TIGD4: variants seen among roughly 807,000 people sequenced by gnomAD.
TIGD4 encodes the protein tigger transposable element-derived protein 4.
TIGD4 carries 20 observed loss-of-function variants against 24.9 expected under a neutral mutation model. That is an observed-to-expected ratio of 0.80 (90% CI 0.56 to 1.17). The LOEUF is 1.17. Among genes scored for constraint, TIGD4 ranks in the 50% most tolerant of loss-of-function variants. The pLI, the probability that TIGD4 is intolerant of heterozygous loss-of-function variation, is 0.00. For synonymous variants in TIGD4, 193 were observed against 211.0 expected (o/e 0.91, Z 0.74); for missense variants, 566 against 591.0 (o/e 0.96, Z 0.44).
At position 152,770,928 on chromosome 4, in the gene TIGD4, T is replaced by C; in HGVS notation, c.77A>G (p.Lys26Arg). 3 of 1,613,856 alleles carry C rather than the reference T, an allele frequency of 1.9e-6. No homozygotes were observed. The highest frequency in any genetic ancestry group is 2.5e-6 in the Non-Finnish European group (3 of 1,179,912). Residue 26 changes from lysine (K) to arginine (R), a missense_variant, in exon 2 of 2, where the codon AAG becomes AGG. Physicochemically the swap from Lys to Arg is conservative, Grantham distance 26 (BLOSUM62 2). Coordinates refer to ENST00000304337, the MANE Select transcript of TIGD4 (RefSeq NM_145720.4). ...TTCCACTGCATTTATGATGTCGATC[T>C]TTTCCTCAATGGATAGGCTTTTCTT... is the stretch of plus-strand genomic sequence containing the variant. ...KKKKSLSIEE[K>R]IDIINAVESG...
intron 1 of TIGD4, among the ~76,000 whole-genome samples, 153 bp downstream of exon 1, chr4:152,779,329 G>A (rs1730341140): frequency 6.6e-6 from 1 of 152,242 alleles, no homozygotes; most frequent in Non-Finnish European, 1.5e-5. Context: ...GCAAGTAAGA[G>A]CTCAGGGATG....
In TIGD4 at chr4:152,770,763, G is replaced by C; in HGVS notation, c.242C>G (p.Thr81Ser). 1 of 1,612,560 alleles carries C rather than the reference G, an allele frequency of 6.2e-7. No individual in the cohort carries two copies. The highest frequency in any genetic ancestry group is 8.5e-7 in the Non-Finnish European group (1 of 1,179,610). The change falls in exon 2 of 2, where the codon ACT (threonine) becomes AGT (serine). Residue 81 changes from threonine (T) to serine (S), a missense_variant. Coordinates refer to ENST00000304337, the MANE Select transcript of TIGD4 (RefSeq NM_145720.4). Reference sequence around the variant, plus strand: ...CTCTTCCAGATCTGTGTAAAAAGCAGTTCTCAGTCTTTTTCTCTTTGGATC... The same window carrying C: ...CTCTTCCAGATCTGTGTAAAAAGCACTTCTCAGTCTTTTTCTCTTTGGATC... ...RFDPKRKRLRTAFYTDLEEAL... is the reference protein window; with the variant it reads ...RFDPKRKRLRSAFYTDLEEAL...
chr4:152,769,429 A>G lies in TIGD4; in HGVS notation c.*37T>C. 2 of 1,356,816 alleles carry G rather than the reference A, an allele frequency of 1.5e-6. No homozygotes were observed. Among genetic ancestry groups the G allele is most frequent in the Non-Finnish European group, 2.0e-6 (2 of 1,007,314 alleles). The allele number at this position is 1,356,816 out of a possible 1,614,324, so 84.0% of individuals were successfully genotyped here. A position where few individuals can be genotyped will look rare whatever the true frequency, so the allele number is the denominator to read the frequency against. On this transcript the variant is annotated 3_prime_UTR_variant, in exon 2 of 2. Coordinates refer to ENST00000304337, the MANE Select transcript of TIGD4 (RefSeq NM_145720.4). Reference sequence around the variant, plus strand: ...CATACCTTATATAATAAAATGTATCAGGAAAAGCTATTACTCTTTAGATGT... The same window carrying G: ...CATACCTTATATAATAAAATGTATCGGGAAAAGCTATTACTCTTTAGATGT...
intron 1 of TIGD4, among the ~76,000 whole-genome samples, chr4:152,777,226 C>T (rs1196465828): frequency 6.6e-6 from 1 of 152,174 alleles, no homozygotes; most frequent in Non-Finnish European, 1.5e-5. Context: ...AAGAATTAGA[C>T]TTCATTGAGT....
At chr4:152,777,435 G>A (rs1343622732) in intron 1 of TIGD4, among the ~76,000 whole-genome samples, 1 of 151,944 alleles carries the variant, frequency 6.6e-6, no homozygotes. Flanking sequence ...ACAATTCAGA[G>A]AAAAGTAGTA....
chr4:152,779,267 G>A (rs1217086300), intron 1 of TIGD4, among the ~76,000 whole-genome samples: 3 of 152,202 alleles, frequency 2.0e-5, no homozygotes, highest in Non-Finnish European at 4.4e-5. Context: ...AAGTATCAAG[G>A]AATCTACTGT....
chr4:152,776,381 CT>C (rs929903361), intron 1 of TIGD4, among the ~76,000 whole-genome samples: 12 of 151,784 alleles, frequency 7.9e-5, no homozygotes, highest in African/African-American at 2.2e-4. Context: ...AATGTTCTAC[CT>C]TTTTTTTCTT....
rs770976900 is a variant in TIGD4 at position 152,770,303 on chromosome 4, T to A, written c.702A>T (p.Gly234=). 6.2e-7 allele frequency: 1 copy of A among 1,614,004 alleles called. No individual in the cohort carries two copies. Among genetic ancestry groups the A allele is most frequent in the Non-Finnish European group, 8.5e-7 (1 of 1,179,942 alleles). Residue 234 remains glycine (G), a synonymous_variant, in exon 2 of 2, where the codon GGA becomes GGT. Coordinates refer to ENST00000304337, the MANE Select transcript of TIGD4 (RefSeq NM_145720.4). Reference sequence around the variant, plus strand: ...TGAAACAATGTGGAGTTCTCTTTTTTCCAATGACAAGCAAAGGAAGTTTCT... The same window carrying A: ...TGAAACAATGTGGAGTTCTCTTTTTACCAATGACAAGCAAAGGAAGTTTCT... ...GSEKLPLLVI[G]KKRTPHCFKG...
chr4:152,773,666 A>AAAAAAAAAAAG lies in TIGD4; in HGVS notation c.-538-2125_-538-2124insCTTTTTTTTTT, dbSNP rs1554018755. ...TTAAAAAAAAAAAAAAAAAAAAAAA[A>AAAAAAAAAAAG]GCAACATTAGGCCTCCATGGAAGAA... is the stretch of plus-strand genomic sequence containing the variant. On this transcript the variant is annotated intron_variant, in intron 1 of 1. Coordinates refer to ENST00000304337, the MANE Select transcript of TIGD4 (RefSeq NM_145720.4). 2.3e-5 allele frequency among the ~76,000 whole-genome samples: 3 copies of AAAAAAAAAAAG among 127,796 alleles called. 1 individual carries two copies. The allele number at this position is 127,796 out of a possible 152,430, so 83.8% of individuals were successfully genotyped here. A position where few individuals can be genotyped will look rare whatever the true frequency, so the allele number is the denominator to read the frequency against.
chr4:152,774,742 AC>A (rs576659092), intron 1 of TIGD4, among the ~76,000 whole-genome samples: 96 of 152,312 alleles, frequency 6.3e-4, no homozygotes, highest in African/African-American at 1.8e-3. Flanking sequence ...TTTAAAAAAA[AC>A]ATTTTTGTTT....
At chr4:152,779,043 C>A (rs745642813) in intron 1 of TIGD4, among the ~76,000 whole-genome samples, 48 of 152,120 alleles carry the variant, frequency 3.2e-4, no homozygotes, top group Non-Finnish European at 5.6e-4. Flanking sequence ...GTCTATCTAG[C>A]GCCACGGGGG....
chr4:152,779,635 A>C lies in TIGD4; in HGVS notation c.-692T>G, dbSNP rs1441601119. ...TGAGGCTAGGGTGTGTGAATGAAAA[A>C]GAGGGAGGCGGAGGCCTCCTGGAGA... On this transcript the variant is annotated 5_prime_UTR_variant, in exon 1 of 2. Transcript: ENST00000304337. The C allele has an allele frequency of 1.3e-5, 2 of 152,198 alleles. No individual in the cohort carries two copies. The highest frequency in any genetic ancestry group is 4.8e-5 in the African/African-American group (2 of 41,406). The allele number at this position is 152,198 out of a possible 1,614,324, so 9.4% of individuals were successfully genotyped here. A position where few individuals can be genotyped will look rare whatever the true frequency, so the allele number is the denominator to read the frequency against.
At chr4:152,772,481 C>T (rs1730193702) in intron 1 of TIGD4, among the ~76,000 whole-genome samples, 2 of 152,138 alleles carry the variant, frequency 1.3e-5, no homozygotes. Flanking sequence ...AACTACAGCA[C>T]CTATCTCATT....
At chr4:152,775,247 A>G (rs1412062384) in intron 1 of TIGD4, among the ~76,000 whole-genome samples, 1 of 152,240 alleles carries the variant, frequency 6.6e-6, no homozygotes, top group Non-Finnish European at 1.5e-5. Context: ...AAGAATAATT[A>G]TAGATGTAAA....
chr4:152,769,384 G>A lies in TIGD4; in HGVS notation c.*82C>T. On this transcript the variant is annotated 3_prime_UTR_variant, in exon 2 of 2. Transcript: ENST00000304337. ...AGTTTTCCATTTTTTATGTTTAAGTGGTGTGGTACAACTCCTTTACATACC... is the reference window on the plus strand; with the variant it reads ...AGTTTTCCATTTTTTATGTTTAAGTAGTGTGGTACAACTCCTTTACATACC... 1 of 952,072 alleles carries A rather than the reference G, an allele frequency of 1.1e-6. No individual in the cohort carries two copies. 59.0% of individuals were successfully genotyped at this position (952,072 alleles called of 1,614,324 possible).
In TIGD4 at chr4:152,769,636, C is replaced by T; in HGVS notation, c.1369G>A (p.Glu457Lys). Reference sequence around the variant, plus strand: ...GTTCCTGGAGATCCATCATCATCCTCTTCATCAGAAGTGTAAAATCCAGTT... The same window carrying T: ...GTTCCTGGAGATCCATCATCATCCTTTTCATCAGAAGTGTAAAATCCAGTT... The part of the protein sequence containing the change: ...DETGFYTSDE[E>K]DDDGSPGTEL... The change falls in exon 2 of 2, where the codon GAG (glutamate) becomes AAG (lysine). Residue 457 changes from glutamate to lysine, a missense_variant. Transcript: ENST00000304337. 6.2e-7 allele frequency: 1 copy of T among 1,613,514 alleles called. No homozygotes were observed.
chr4:152,773,750 C>A (rs1265786514), intron 1 of TIGD4, among the ~76,000 whole-genome samples: 7 of 150,854 alleles, frequency 4.6e-5, no homozygotes, highest in Non-Finnish European at 8.8e-5. Flanking sequence ...CGAGGGCAAA[C>A]CTAAGTAATA....
chr4:152,777,610 A>T (rs1227437737), intron 1 of TIGD4, among the ~76,000 whole-genome samples: 1 of 150,368 alleles, frequency 6.7e-6, no homozygotes, highest in Non-Finnish European at 1.5e-5. Flanking sequence ...GGGAAGGAGG[A>T]AAGAAAAAGA....
chr4:152,775,463 G>C (rs981700684), intron 1 of TIGD4, among the ~76,000 whole-genome samples: 1 of 152,110 alleles, frequency 6.6e-6, no homozygotes, highest in African/African-American at 2.4e-5. Flanking sequence ...GGAGGCTCTG[G>C]GGAAGAATTT....
Sources: allele counts gnomAD v4.1 joint callset (sites outside exome capture counted in the v4.1 genomes callset), GRCh38; gene constraint gnomAD v4.1.1; transcripts MANE v1.5; gene names NCBI Gene and HGNC (gene_info 2026-07-23, HGNC 2026-07-21).